The following GRIP1 variants were observed in gnomAD, a reference collection of about 807,000 sequenced individuals.
The protein encoded by GRIP1 is glutamate receptor interacting protein 1.
GRIP1 carries 45 observed loss-of-function variants against 129.9 expected under a neutral mutation model. That is an observed-to-expected ratio of 0.35 (90% CI 0.27 to 0.44). The LOEUF is 0.44. Among genes scored for constraint, GRIP1 ranks in the 20% least tolerant of loss-of-function variants. The pLI, the probability that GRIP1 is intolerant of heterozygous loss-of-function variation, is 1.00. For synonymous variants in GRIP1, 530 were observed against 520.8 expected (o/e 1.02, Z -0.24); for missense variants, 1,196 against 1,396.8 (o/e 0.86, Z 2.29).
intron 2 of GRIP1, among the ~76,000 whole-genome samples, chr12:66,581,325 T>G (rs1321425367): frequency 6.6e-6 from 1 of 151,130 alleles, no homozygotes; most frequent in Non-Finnish European, 1.5e-5. Context: ...ATTGACACCC[T>G]AACATCACAA....
intron 1 of GRIP1, among the ~76,000 whole-genome samples, chr12:66,698,259 G>C (rs2035232888): frequency 6.6e-6 from 1 of 152,170 alleles, no homozygotes; most frequent in South Asian, 2.1e-4. Flanking sequence ...GTAACCAGGA[G>C]TGAACAAAGT....
intron 1 of GRIP1, among the ~76,000 whole-genome samples, chr12:66,856,764 C>T (rs960387448): frequency 6.6e-6 from 1 of 151,758 alleles, no homozygotes; most frequent in African/African-American, 2.4e-5. Context: ...AACACTTTTA[C>T]ACTGTTGGTG....
At chr12:66,586,209 G>A (rs935000277) in intron 2 of GRIP1, among the ~76,000 whole-genome samples, 2 of 151,946 alleles carry the variant, frequency 1.3e-5, no homozygotes, top group Non-Finnish European at 2.9e-5. Context: ...CCTTTTCACC[G>A]AATCTATTTT....
At chr12:66,433,756 A>G (rs887529787) in intron 13 of GRIP1, among the ~76,000 whole-genome samples, 1 of 152,182 alleles carries the variant, frequency 6.6e-6, no homozygotes, top group Non-Finnish European at 1.5e-5. Context: ...ATGGTTTTGG[A>G]AAGAAGTGGG....
intron 15 of GRIP1, among the ~76,000 whole-genome samples, chr12:66,410,932 A>T (rs1047203206): frequency 6.6e-6 from 1 of 152,208 alleles, no homozygotes; most frequent in African/African-American, 2.4e-5. Flanking sequence ...CCACAGCACA[A>T]TCAAATTAAA....
chr12:66,526,291 AC>A (rs1421990481), intron 5 of GRIP1, among the ~76,000 whole-genome samples: 1 of 152,160 alleles, frequency 6.6e-6, no homozygotes, highest in Non-Finnish European at 1.5e-5. Context: ...CTACAAGGCT[AC>A]AGTAACCAAA....
chr12:66,606,334 A>G (rs1298818965), intron 1 of GRIP1, among the ~76,000 whole-genome samples: 2 of 152,160 alleles, frequency 1.3e-5, no homozygotes, highest in African/African-American at 2.4e-5. Flanking sequence ...GAAAAATGAG[A>G]GTTTAATTAT....
intron 2 of GRIP1, among the ~76,000 whole-genome samples, chr12:66,581,502 C>T (rs11176279): frequency 0.13 from 15,497 of 117,980 alleles, 1,161 homozygotes; most frequent in East Asian, 0.15. Flanking sequence ...ATTGATAGAC[C>T]ACTAGCAAGA....
chr12:66,907,635 G>A (rs1190082319), intron 1 of GRIP1, among the ~76,000 whole-genome samples: 2 of 152,086 alleles, frequency 1.3e-5, no homozygotes, highest in Non-Finnish European at 2.9e-5. Flanking sequence ...CAAAGACATG[G>A]GGACAGCAGC....
chr12:66,695,630 G>T (rs2035131324), intron 1 of GRIP1, among the ~76,000 whole-genome samples: 1 of 152,176 alleles, frequency 6.6e-6, no homozygotes, highest in Non-Finnish European at 1.5e-5. Flanking sequence ...ACTGGGGAGG[G>T]AACTAGAGGT....
intron 1 of GRIP1, among the ~76,000 whole-genome samples, chr12:66,644,019 T>C (rs1478246542): frequency 6.6e-6 from 1 of 152,122 alleles, no homozygotes; most frequent in Non-Finnish European, 1.5e-5. Flanking sequence ...CTTAGAATCA[T>C]GGTGGGAGGC....
chr12:66,705,191 T>C (rs1337673464), intron 1 of GRIP1, among the ~76,000 whole-genome samples: 2 of 152,096 alleles, frequency 1.3e-5, no homozygotes, highest in Admixed American at 1.3e-4. Flanking sequence ...ATAACAGCAA[T>C]GGAAGCCATT....
chr12:66,962,624 A>G (rs2041938300), intron 1 of GRIP1, among the ~76,000 whole-genome samples: 3 of 152,130 alleles, frequency 2.0e-5, no homozygotes, highest in African/African-American at 7.2e-5. Context: ...GCAAACATAC[A>G]CTTTAATGAG....
chr12:66,799,361 G>T (rs1182444571), intron 1 of GRIP1, among the ~76,000 whole-genome samples: 1 of 152,094 alleles, frequency 6.6e-6, no homozygotes, highest in East Asian at 1.9e-4. Context: ...CTTTATAATT[G>T]ATGTTTCTTC....
intron 1 of GRIP1, among the ~76,000 whole-genome samples, chr12:66,726,156 A>G (rs2036248182): frequency 6.6e-6 from 1 of 152,066 alleles, no homozygotes; most frequent in Non-Finnish European, 1.5e-5. Context: ...AAAATGCTCA[A>G]CATTTTCCAT....
intron 11 of GRIP1, among the ~76,000 whole-genome samples, chr12:66,451,834 G>T (rs968377496): frequency 2.6e-5 from 4 of 152,164 alleles, no homozygotes; most frequent in African/African-American, 9.7e-5. Context: ...CCAAATGAGG[G>T]TGTGAGGACA....
Position 66,955,090 on chromosome 12 carries a change from GT to G in GRIP1, c.58+113959del, listed in dbSNP as rs56724648. Among the ~76,000 whole-genome samples, 559 of 152,254 alleles carry G rather than the reference GT, an allele frequency of 3.7e-3. 5 individuals carry two copies. The highest frequency in any genetic ancestry group is 0.013 in the African/African-American group (540 of 41,540). Reference sequence around the variant, plus strand: ...TCATGAACAACTTACAATGTGTCATGTAAATTGCTAAATTGGTTTGCATTAC... The same window carrying G: ...TCATGAACAACTTACAATGTGTCATGAAATTGCTAAATTGGTTTGCATTAC... On this transcript the variant is annotated intron_variant, in intron 1 of 1. Coordinates refer to the GRIP1 transcript ENST00000643019.
intron 1 of GRIP1, among the ~76,000 whole-genome samples, chr12:67,044,020 A>T (rs1225134726): frequency 6.6e-6 from 1 of 152,180 alleles, no homozygotes; most frequent in Non-Finnish European, 1.5e-5. Flanking sequence ...TGACCCTGAG[A>T]GAACCTTTTA....
intron 1 of GRIP1, among the ~76,000 whole-genome samples, chr12:66,775,976 A>C (rs769301393): frequency 6.6e-6 from 1 of 152,232 alleles, no homozygotes; most frequent in Non-Finnish European, 1.5e-5. Flanking sequence ...ATTTGTTACT[A>C]TCTCCAGGGA....
Sources: allele counts gnomAD v4.1 joint callset (sites outside exome capture counted in the v4.1 genomes callset), GRCh38; gene constraint gnomAD v4.1.1; transcripts MANE v1.5; gene names NCBI Gene and HGNC (gene_info 2026-07-23, HGNC 2026-07-21).